CPSF2: variants seen among roughly 807,000 people sequenced by gnomAD.
CPSF2 encodes the protein cleavage and polyadenylation specific factor 2.
Under a neutral mutation model 84.2 loss-of-function variants are expected in CPSF2, and 51 were observed. The observed-to-expected ratio is 0.61, with a 90% CI of 0.48 to 0.77. The LOEUF (loss-of-function observed/expected upper bound fraction) is 0.77. Among genes scored for constraint, CPSF2 ranks in the 30% least tolerant of loss-of-function variants. The pLI is 0.00. For synonymous variants in CPSF2, 286 were observed against 311.9 expected (o/e 0.92, Z 0.87); for missense variants, 641 against 929.4 (o/e 0.69, Z 4.03).
rs1481888668 is a variant in CPSF2, at chr14:92,157,504, C to G, written c.1596-155C>G. ...CCTGGGCAAAAGAGCGAGACCCAAT[C>G]TCAGAAAAATAAAAACAAAAATAAA... is the stretch of plus-strand genomic sequence containing the variant. On this transcript the variant is annotated intron_variant, in intron 12 of 15. Transcript: ENST00000298875. This position sits in a 1 kb window ranked among gnomAD's most constrained non-coding sequence, Gnocchi z 4.0. 2.0e-5 allele frequency among the ~76,000 whole-genome samples: 3 copies of G among 151,876 alleles called. No homozygotes were observed. Among genetic ancestry groups the G allele is most frequent in the Admixed American group, 2.0e-4 (3 of 15,244 alleles).
chr14:92,125,460 C>A (rs949228094), intron 1 of CPSF2, among the ~76,000 whole-genome samples: 5 of 152,114 alleles, frequency 3.3e-5, no homozygotes, highest in African/African-American at 7.2e-5. Context: ...AAGGGGTGGT[C>A]CACTAAATAC....
At chr14:92,135,527 A>G (rs2068987202) in intron 6 of CPSF2, 31 bp downstream of exon 6, 5 of 1,569,634 alleles carry the variant, frequency 3.2e-6, no homozygotes, top group East Asian at 2.3e-5. Context: ...GCTAAAGGCA[A>G]TGCAATTGGT....
At position 92,126,104 on chromosome 14, in the gene CPSF2, C is replaced by T. The variant is rs1262196093; in HGVS notation, c.-93-18C>T. The stretch of plus-strand genomic sequence containing the variant: ...AAATCATAATACCACATTCATAAGG[C>T]TTTTATTTATTTTTTAGATTAATAA... On this transcript the variant is annotated intron_variant, in intron 1 of 15. Coordinates refer to ENST00000298875, the MANE Select transcript of CPSF2 (RefSeq NM_017437.3). 1.3e-5 allele frequency: 2 copies of T among 152,124 alleles called. No individual in the cohort carries two copies. The highest frequency in any genetic ancestry group is 2.9e-5 in the Non-Finnish European group (2 of 68,016). The allele number at this position is 152,124 out of a possible 1,614,324, so 9.4% of individuals were successfully genotyped here.
In CPSF2 at chr14:92,151,695, A is replaced by C. The variant is rs539062076; in HGVS notation, c.1141-2663A>C. 2.0e-5 allele frequency among the ~76,000 whole-genome samples: 3 copies of C among 152,346 alleles called. No homozygotes were observed. In the South Asian group the frequency reaches 6.2e-4, roughly 32 times the overall value. On this transcript the variant is annotated intron_variant, in intron 9 of 15. Transcript: ENST00000298875. ...AATGGAGAAGCAAATGTGAGAATCC[A>C]GCTGTCTTCTGTTGAGCTAGACATT...
intron 14 of CPSF2, among the ~76,000 whole-genome samples, 166 bp downstream of exon 14, chr14:92,159,448 T>C (rs950631226): frequency 1.3e-5 from 2 of 152,208 alleles, no homozygotes; most frequent in African/African-American, 4.8e-5. Flanking sequence ...GACTCACGCC[T>C]GTAATCCCAG....
At position 92,157,708 on chromosome 14, in the gene CPSF2, A is replaced by G. The variant is rs1232431389; in HGVS notation, c.1645A>G (p.Ile549Val). ...DYEGRSDGDS[I>V]KKIINQMKPR... The stretch of plus-strand genomic sequence containing the variant: ...TGAAGGACGCTCTGATGGGGATTCC[A>G]TTAAAAAAATCATTAATCAGATGAA... Residue 549 changes from isoleucine (I) to valine (V), a missense_variant, in exon 13 of 16, where the codon ATT (isoleucine) becomes GTT (valine). Ile to Val is a conservative substitution (Grantham distance 29, BLOSUM62 3). This residue lies in a region of CPSF2 where 430 missense variants were observed against 553.6 expected (regional missense o/e 0.78). Transcript: ENST00000298875. The surrounding 1 kb of genome is among the most constrained non-coding windows in gnomAD (Gnocchi z 4.0). The G allele has an allele frequency of 1.2e-6, 2 of 1,614,016 alleles. No individual in the cohort carries two copies. The highest frequency in any genetic ancestry group is 1.7e-6 in the Non-Finnish European group (2 of 1,180,012).
Position 92,161,847 on chromosome 14 carries a change from T to G in CPSF2, c.*103T>G, listed in dbSNP as rs568994057. 1.5e-6 allele frequency: 1 copy of G among 673,754 alleles called. No homozygotes were observed. Among genetic ancestry groups the G allele is most frequent in the South Asian group, 2.0e-5 (1 of 50,206 alleles). 41.7% of individuals were successfully genotyped at this position (673,754 alleles called of 1,614,324 possible). A position where few individuals can be genotyped will look rare whatever the true frequency, so the allele number is the denominator to read the frequency against. On this transcript the variant is annotated 3_prime_UTR_variant, in exon 16 of 16. Coordinates refer to ENST00000298875, the MANE Select transcript of CPSF2 (RefSeq NM_017437.3). ...TTTGTTTTGTAACATACAAAAAGAA[T>G]CTGCCAGAAAAACTTACATGTATCA...
rs2069393368 is a variant in CPSF2, at chr14:92,162,875, C to T, written c.*1131C>T. On this transcript the variant is annotated 3_prime_UTR_variant, in exon 16 of 16. Transcript: ENST00000298875. ...ATTAATGCTTTTTTAGAATGGCAGA[C>T]CTTGATGTTTATTTCTCAAATGGTT... The T allele has an allele frequency of 6.6e-6, 1 of 152,060 alleles. No homozygotes were observed. Among genetic ancestry groups the T allele is most frequent in the Non-Finnish European group, 1.5e-5 (1 of 68,006 alleles). The allele number at this position is 152,060 out of a possible 1,614,324, so 9.4% of individuals were successfully genotyped here. A position where few individuals can be genotyped will look rare whatever the true frequency, so the allele number is the denominator to read the frequency against.
rs752237287 is a variant in CPSF2 at position 92,135,476 on chromosome 14, C to T, written c.525C>T (p.Asp175=). ...DGEEEIVYAV[D]FNHKREIHLN... Reference sequence around the variant, plus strand: ...AAGAAGAAATTGTTTATGCAGTTGACTTCAACCACAAGAGGGAGATGTAGG... The same window carrying T: ...AAGAAGAAATTGTTTATGCAGTTGATTTCAACCACAAGAGGGAGATGTAGG... The change falls in exon 6 of 16, where the codon GAC becomes GAT. Residue 175 remains aspartate, a synonymous_variant. Coordinates refer to ENST00000298875, the MANE Select transcript of CPSF2 (RefSeq NM_017437.3). 3 of 1,613,332 alleles carry T rather than the reference C, an allele frequency of 1.9e-6. No individual in the cohort carries two copies. In the Admixed American group the frequency reaches 5.0e-5, roughly 27 times the overall value.
At chr14:92,147,182 G>T (rs144546160) in intron 9 of CPSF2, among the ~76,000 whole-genome samples, 1 of 152,280 alleles carries the variant, frequency 6.6e-6, no homozygotes, top group East Asian at 1.9e-4. Flanking sequence ...GAGGGCTTCA[G>T]TGAGTGCACT....
intron 7 of CPSF2, among the ~76,000 whole-genome samples, chr14:92,141,086 A>G (rs75165557): frequency 1.3e-5 from 2 of 152,318 alleles, no homozygotes; most frequent in African/African-American, 2.4e-5. Context: ...ATAGGCATAC[A>G]TACATACAAA....
At chr14:92,153,652 A>G (rs1301623590) in intron 9 of CPSF2, among the ~76,000 whole-genome samples, 1 of 149,692 alleles carries the variant, frequency 6.7e-6, no homozygotes, top group Non-Finnish European at 1.5e-5. Context: ...GACTCAAGTG[A>G]TACTCAGTCT....
rs1349759826 is a variant in CPSF2, at chr14:92,171,976, T to C, written c.*10232T>C. 6.6e-6 allele frequency: 1 copy of C among 152,248 alleles called. No individual in the cohort carries two copies. Among genetic ancestry groups the C allele is most frequent in the Non-Finnish European group, 1.5e-5 (1 of 68,056 alleles). 9.4% of individuals were successfully genotyped at this position (152,248 alleles called of 1,614,324 possible). Reference sequence around the variant, plus strand: ...CTCACCCCCTACCGTACATCACTGCTGTGAGGACCAAGTTTCCTCCCTTTC... The same window carrying C: ...CTCACCCCCTACCGTACATCACTGCCGTGAGGACCAAGTTTCCTCCCTTTC... On this transcript the variant is annotated 3_prime_UTR_variant, in exon 16 of 16. Transcript: ENST00000298875.
At position 92,155,184 on chromosome 14, in the gene CPSF2, C is replaced by T; in HGVS notation, c.1303C>T (p.His435Tyr). The change falls in exon 11 of 16, where the codon CAT becomes TAT. Residue 435 changes from histidine to tyrosine, a missense_variant. Around this residue, in one of 2 missense-constraint regions of CPSF2, gnomAD observed 430 missense variants for 553.6 expected, o/e 0.78. Coordinates refer to ENST00000298875, the MANE Select transcript of CPSF2 (RefSeq NM_017437.3). ...GGAAGATATTGACCAGCCATCAGCT[C>T]ATAAGACGAAGCATGACTTGATGAT... ...IEEDIDQPSA[H>Y]KTKHDLMMKG... The T allele has an allele frequency of 6.2e-7, 1 of 1,613,978 alleles. No homozygotes were observed. The highest frequency in any genetic ancestry group is 1.3e-5 in the African/African-American group (1 of 74,990).
At position 92,122,039 on chromosome 14, in the gene CPSF2, T is replaced by A. The variant is rs1269701925; in HGVS notation, c.-183T>A. 1.7e-6 allele frequency: 1 copy of A among 581,492 alleles called. No individual in the cohort carries two copies. The highest frequency in any genetic ancestry group is 3.0e-6 in the Non-Finnish European group (1 of 328,752). The allele number at this position is 581,492 out of a possible 1,614,324, so 36.0% of individuals were successfully genotyped here. On this transcript the variant is annotated 5_prime_UTR_variant, in exon 1 of 16. The change abolishes the stop of an existing upstream ORF in the 5' untranslated region. Coordinates refer to ENST00000298875, the MANE Select transcript of CPSF2 (RefSeq NM_017437.3). Reference sequence around the variant, plus strand: ...GCCGGCCGGTAGTCCCTGGCGCTGCTGACCCAGCATCGGCTTTTCTACGTC... The same window carrying A: ...GCCGGCCGGTAGTCCCTGGCGCTGCAGACCCAGCATCGGCTTTTCTACGTC...
At chr14:92,133,618 C>G (rs951627335) in intron 3 of CPSF2, among the ~76,000 whole-genome samples, 3 of 147,560 alleles carry the variant, frequency 2.0e-5, no homozygotes, top group Non-Finnish European at 4.5e-5. Flanking sequence ...GCCACCACCC[C>G]TGGCTTTTTT....
At chr14:92,137,190 A>G (rs1465929177) in intron 6 of CPSF2, among the ~76,000 whole-genome samples, 1 of 152,086 alleles carries the variant, frequency 6.6e-6, no homozygotes, top group Non-Finnish European at 1.5e-5. Flanking sequence ...GTTAGATACC[A>G]TTAAAATTAT....
chr14:92,160,245 G>A (rs2069354231), intron 14 of CPSF2, among the ~76,000 whole-genome samples: 1 of 152,218 alleles, frequency 6.6e-6, no homozygotes, highest in Non-Finnish European at 1.5e-5. Context: ...TTACAGGCGT[G>A]AGCCAATGCA....
chr14:92,145,008 A>G (rs2069124844), intron 9 of CPSF2, among the ~76,000 whole-genome samples: 1 of 152,198 alleles, frequency 6.6e-6, no homozygotes, highest in South Asian at 2.1e-4. Flanking sequence ...TTAGCTCACT[A>G]ACCAGTATAC....
Sources: allele counts gnomAD v4.1 joint callset (sites outside exome capture counted in the v4.1 genomes callset), GRCh38; gene constraint gnomAD v4.1.1; regional missense constraint gnomAD v4.1.1; non-coding constraint Gnocchi (gnomAD v3.1); transcripts MANE v1.5; gene names NCBI Gene and HGNC (gene_info 2026-07-23, HGNC 2026-07-21).